The following CCDC148 variants were observed in gnomAD, a reference collection of about 807,000 sequenced individuals.
CCDC148 encodes the protein coiled-coil domain containing 148.
CCDC148 carries 89 observed loss-of-function variants against 85.7 expected under a neutral mutation model. The observed-to-expected ratio is 1.04, with a 90% CI of 0.87 to 1.24. CCDC148 has a LOEUF of 1.24. Among genes scored for constraint, CCDC148 ranks in the 50% most tolerant of loss-of-function variants. The pLI, the probability that CCDC148 is intolerant of heterozygous loss-of-function variation, is 0.00. For synonymous variants in CCDC148, 230 were observed against 213.9 expected, an observed-to-expected ratio of 1.08 and a Z score of -0.66; for missense variants, 692 against 671.7, an observed-to-expected ratio of 1.03 and a Z score of -0.33.
intron 1 of CCDC148, among the ~76,000 whole-genome samples, chr2:158,448,596 G>A (rs1688260271): frequency 6.6e-6 from 1 of 151,930 alleles, no homozygotes; most frequent in Non-Finnish European, 1.5e-5. Context: ...CACCCCGCTC[G>A]GCCTTCCAAA....
chr2:158,296,127 G>A (rs1367778284), intron 9 of CCDC148, among the ~76,000 whole-genome samples: 6 of 152,068 alleles, frequency 3.9e-5, no homozygotes, highest in South Asian at 2.1e-4. Context: ...ATTTGGTGTC[G>A]TATCTCAGAA....
intron 1 of CCDC148, among the ~76,000 whole-genome samples, chr2:158,402,265 T>C (rs554310895): frequency 2.6e-5 from 4 of 152,166 alleles, no homozygotes; most frequent in African/African-American, 7.2e-5. Context: ...AGAAACCAAA[T>C]AGTTTGTACT....
chr2:158,256,120 A>T (rs958804246), intron 9 of CCDC148, among the ~76,000 whole-genome samples: 1 of 151,856 alleles, frequency 6.6e-6, no homozygotes, highest in African/African-American at 2.4e-5. Context: ...AAAGGTAATG[A>T]TTGAAATTAA....
At chr2:158,241,985 A>C (rs938261280) in intron 10 of CCDC148, among the ~76,000 whole-genome samples, 1 of 152,164 alleles carries the variant, frequency 6.6e-6, no homozygotes, top group Non-Finnish European at 1.5e-5. Context: ...TGCCACTTAG[A>C]ACCATAGGAT....
intron 9 of CCDC148, among the ~76,000 whole-genome samples, chr2:158,281,949 C>T (rs1353692701): frequency 6.6e-6 from 1 of 151,852 alleles, no homozygotes; most frequent in Non-Finnish European, 1.5e-5. Context: ...GGGCTTCATC[C>T]CTGGGATGCA....
At chr2:158,341,437 GGT>G (rs1223542109) in intron 3 of CCDC148, among the ~76,000 whole-genome samples, 2 of 151,838 alleles carry the variant, frequency 1.3e-5, no homozygotes, top group Non-Finnish European at 2.9e-5. Flanking sequence ...CTCCCGAGTA[GGT>G]GGAACTACAG....
At chr2:158,198,434 T>C (rs977491221) in intron 11 of CCDC148, among the ~76,000 whole-genome samples, 1 of 152,186 alleles carries the variant, frequency 6.6e-6, no homozygotes, top group East Asian at 1.9e-4. Context: ...TAGAGGCCAG[T>C]GTATCAACTC....
chr2:158,363,446 C>T (rs1181204194), intron 1 of CCDC148, among the ~76,000 whole-genome samples: 1 of 152,074 alleles, frequency 6.6e-6, no homozygotes, highest in Non-Finnish European at 1.5e-5. Flanking sequence ...TCCAGCAGCA[C>T]ATCAAAAAGC....
chr2:158,194,171 A>AT (rs1268374105), intron 11 of CCDC148, among the ~76,000 whole-genome samples: 1 of 152,070 alleles, frequency 6.6e-6, no homozygotes, highest in African/African-American at 2.4e-5. Flanking sequence ...GGTGTTGGCA[A>AT]TTTTTTTAAA....
At chr2:158,196,443 C>T (rs1442831464) in intron 11 of CCDC148, among the ~76,000 whole-genome samples, 1 of 151,068 alleles carries the variant, frequency 6.6e-6, no homozygotes. Context: ...CTCTTCTCCT[C>T]CCCCCAGCCA....
chr2:158,342,021 CTTTTCTTTTTTTTTTT>C (rs1311463041), intron 3 of CCDC148, among the ~76,000 whole-genome samples: 12 of 85,638 alleles, frequency 1.4e-4, no homozygotes, highest in African/African-American at 6.4e-4. Flanking sequence ...TCATTATTTT[CTTTTCTTTTTTTTTTT>C]TTTTTTTTTT....
At chr2:158,284,683 T>C (rs915508581) in intron 9 of CCDC148, among the ~76,000 whole-genome samples, 1 of 152,212 alleles carries the variant, frequency 6.6e-6, no homozygotes, top group Admixed American at 6.5e-5. Context: ...GGATGCAGCA[T>C]GTTCATTGGA....
At chr2:158,252,283 C>A (rs796899459) in intron 9 of CCDC148, among the ~76,000 whole-genome samples, 28 of 151,674 alleles carry the variant, frequency 1.8e-4, no homozygotes, top group African/African-American at 6.8e-4. Flanking sequence ...CAAAATAACC[C>A]AGGAAATTTC....
At chr2:158,197,916 T>TA (rs931627659) in intron 11 of CCDC148, among the ~76,000 whole-genome samples, 3 of 152,106 alleles carry the variant, frequency 2.0e-5, no homozygotes, top group African/African-American at 7.2e-5. Flanking sequence ...ATTAATCAAT[T>TA]AATTCTAATG....
At chr2:158,441,519 A>G (rs1244014663) in intron 1 of CCDC148, among the ~76,000 whole-genome samples, 1 of 151,644 alleles carries the variant, frequency 6.6e-6, no homozygotes, top group Non-Finnish European at 1.5e-5. Context: ...TGACATGACC[A>G]TGCAATATGT....
At chr2:158,337,598 G>A (rs1444738129) in intron 7 of CCDC148, among the ~76,000 whole-genome samples, 2 of 152,124 alleles carry the variant, frequency 1.3e-5, no homozygotes, top group Admixed American at 1.3e-4. Context: ...AGATAGGAAA[G>A]AAGAAAGGAA....
intron 9 of CCDC148, among the ~76,000 whole-genome samples, chr2:158,304,122 T>C (rs1691574094): frequency 6.6e-6 from 1 of 152,102 alleles, no homozygotes; most frequent in Non-Finnish European, 1.5e-5. Context: ...AACACAGTCT[T>C]GGTTCAAAAT....
intron 1 of CCDC148, among the ~76,000 whole-genome samples, chr2:158,405,907 T>C (rs1207312073): frequency 1.3e-5 from 1 of 76,404 alleles, no homozygotes; most frequent in Non-Finnish European, 3.3e-5. Context: ...TGTATAAATG[T>C]ATGTGTATAA....
Position 158,423,546 on chromosome 2 carries a change from A to T in CCDC148, c.25+32869T>A, listed in dbSNP as rs573105869. Among the ~76,000 whole-genome samples the T allele has an allele frequency of 1.8e-3, 269 of 152,302 alleles. 1 individual carries two copies. The highest frequency in any genetic ancestry group is 6.3e-3 in the African/African-American group (262 of 41,548). The stretch of plus-strand genomic sequence containing the variant: ...AGCTGAAACTGGATCCCTTCCTTAC[A>T]CCTTACACAAAACTTAATTCAAGAT... On this transcript the variant is annotated intron_variant, in intron 1 of 13. Coordinates refer to ENST00000283233, the MANE Select transcript of CCDC148 (RefSeq NM_138803.4).
Sources: allele counts gnomAD v4.1 joint callset (sites outside exome capture counted in the v4.1 genomes callset), GRCh38; gene constraint gnomAD v4.1.1; transcripts MANE v1.5; gene names NCBI Gene and HGNC (gene_info 2026-07-23, HGNC 2026-07-21).